Variants in ZNF146 observed in about 807,000 individuals in gnomAD.
ZNF146 encodes zinc finger protein 146, also known as zinc finger protein OZF.
In ZNF146, 9 loss-of-function variants were observed where a neutral mutation model predicts 22.2. The observed-to-expected ratio is 0.41, with a 90% CI of 0.24 to 0.71. The LOEUF (loss-of-function observed/expected upper bound fraction) is 0.71. Ranked by LOEUF, ZNF146 falls within the 30% of genes least tolerant of loss-of-function variation. The pLI is 0.34. For synonymous variants in ZNF146, 108 were observed against 119.2 expected, an observed-to-expected ratio of 0.91 and a Z score of 0.61; for missense variants, 194 against 344.8, an observed-to-expected ratio of 0.56 and a Z score of 3.46.
intron 3 of ZNF146, 84 bp downstream of exon 3, chr19:36,228,903 GTAGACATA>G (rs1252747429): frequency 6.6e-6 from 1 of 152,238 alleles, no homozygotes. Context: ...CTTCCAGGCT[GTAGACATA>G]TAGAGTATTG....
At chr19:36,216,014 A>G (rs1023009255) in intron 1 of ZNF146, among the ~76,000 whole-genome samples, 2 of 152,206 alleles carry the variant, frequency 1.3e-5, no homozygotes, top group Non-Finnish European at 2.9e-5. Context: ...TGACGTCTCC[A>G]AAGATGCGTT....
At position 36,234,686 on chromosome 19, in the gene ZNF146, T is replaced by C. The variant is rs1056543055; in HGVS notation, c.-782-973T>C. ...TGCTGGGATTACAGGCGTGAGCCAC[T>C]GCGCCCGGCCAGCCAGCATCTTTTG... On this transcript the variant is annotated intron_variant, in intron 3 of 3. Coordinates refer to ENST00000443387, the MANE Select transcript of ZNF146 (RefSeq NM_007145.3). Among the ~76,000 whole-genome samples the C allele has an allele frequency of 5.3e-5, 8 of 152,286 alleles. No individual in the cohort carries two copies. In the South Asian group the frequency reaches 1.0e-3, roughly 20 times the overall value.
intron 3 of ZNF146, among the ~76,000 whole-genome samples, chr19:36,231,438 A>AC (rs1420947273): frequency 1.3e-5 from 2 of 152,064 alleles, no homozygotes; most frequent in Non-Finnish European, 1.5e-5. Flanking sequence ...TAAACTCCTG[A>AC]CCTCAAGTGA....
intron 3 of ZNF146, among the ~76,000 whole-genome samples, chr19:36,230,480 C>A (rs573178159): frequency 6.7e-6 from 1 of 150,230 alleles, no homozygotes; most frequent in East Asian, 1.9e-4. Context: ...ATAGAGAGGG[C>A]TAGTTGGGGT....
intron 2 of ZNF146, among the ~76,000 whole-genome samples, chr19:36,226,679 A>G (rs1977081067): frequency 6.6e-6 from 1 of 152,214 alleles, no homozygotes; most frequent in Non-Finnish European, 1.5e-5. Flanking sequence ...TTTCATAACT[A>G]CAGTACAGTG....
At chr19:36,231,699 C>T (rs982335085) in intron 3 of ZNF146, among the ~76,000 whole-genome samples, 1 of 152,020 alleles carries the variant, frequency 6.6e-6, no homozygotes, top group Non-Finnish European at 1.5e-5. Context: ...TACCTCAGAC[C>T]AGTTTCATGT....
intron 3 of ZNF146, among the ~76,000 whole-genome samples, chr19:36,233,768 CT>C (rs1475909900): frequency 1.3e-5 from 2 of 152,232 alleles, no homozygotes; most frequent in East Asian, 3.8e-4. Flanking sequence ...CGGTTTTCCC[CT>C]ATCTCAGTAG....
intron 3 of ZNF146, among the ~76,000 whole-genome samples, chr19:36,235,163 C>A (rs907674439): frequency 6.6e-6 from 1 of 150,972 alleles, no homozygotes; most frequent in Non-Finnish European, 1.5e-5. Flanking sequence ...GAGCCGAGAT[C>A]GCACCACTGC....
chr19:36,217,621 G>T (rs1001809837), intron 1 of ZNF146, among the ~76,000 whole-genome samples: 5 of 151,968 alleles, frequency 3.3e-5, no homozygotes, highest in Non-Finnish European at 7.4e-5. Flanking sequence ...ATAAGAATAT[G>T]TATTTATAAT....
At chr19:36,228,429 G>A (rs1977179177) in intron 2 of ZNF146, 1 of 152,214 alleles carries the variant, frequency 6.6e-6, no homozygotes, top group South Asian at 2.1e-4. Context: ...CTCACACAAG[G>A]TGTGAACAGC....
chr19:36,238,492 T>C lies in ZNF146; in HGVS notation c.*1173T>C, dbSNP rs143357331. 3.8e-4 allele frequency: 63 copies of C among 167,176 alleles called. No homozygotes were observed. In the East Asian group the frequency reaches 0.012, roughly 32 times the overall value. 10.4% of individuals were successfully genotyped at this position (167,176 alleles called of 1,614,324 possible). A position where few individuals can be genotyped will look rare whatever the true frequency, so the allele number is the denominator to read the frequency against. On this transcript the variant is annotated 3_prime_UTR_variant, in exon 4 of 4. Coordinates refer to ENST00000443387, the MANE Select transcript of ZNF146 (RefSeq NM_007145.3). ...TCTTTCAAAAGACTTCAAGTAAATATAAGAAGATACTGATTGATTCTGGAT... is the reference window on the plus strand; with the variant it reads ...TCTTTCAAAAGACTTCAAGTAAATACAAGAAGATACTGATTGATTCTGGAT...
intron 1 of ZNF146, among the ~76,000 whole-genome samples, chr19:36,216,292 A>C (rs974567170): frequency 2.6e-5 from 4 of 152,182 alleles, no homozygotes; most frequent in African/African-American, 4.8e-5. Flanking sequence ...GTGAACAAAT[A>C]AATATACCAT....
intron 2 of ZNF146, among the ~76,000 whole-genome samples, chr19:36,227,886 C>CA (rs2033108906): frequency 6.6e-6 from 1 of 152,160 alleles, no homozygotes. Flanking sequence ...TAGGACACGG[C>CA]ACGGTGGCTT....
chr19:36,219,369 T>A (rs181567266), intron 2 of ZNF146, among the ~76,000 whole-genome samples: 33 of 152,276 alleles, frequency 2.2e-4, no homozygotes, highest in African/African-American at 7.2e-4. Context: ...CTTACTATGT[T>A]GCCCAGGCTG....
chr19:36,215,669 T>TA lies in ZNF146; in HGVS notation c.-929+475dup, dbSNP rs1207911986. Among the ~76,000 whole-genome samples the TA allele has an allele frequency of 4.6e-5, 7 of 152,226 alleles. No homozygotes were observed. The East Asian group carries it at 1.3e-3, about 29-fold the overall frequency. ...TGCAAATCACCGTGACTTTTTTTTT[T>TA]AATTAAACGAGAGTGTTTCGAAGGA... is the stretch of plus-strand genomic sequence containing the variant. On this transcript the variant is annotated intron_variant, in intron 1 of 3. Transcript: ENST00000443387.
chr19:36,225,752 CTTTTTTTTTTT>C (rs67760026), intron 2 of ZNF146, among the ~76,000 whole-genome samples: 4 of 66,726 alleles, frequency 6.0e-5, no homozygotes, highest in Admixed American at 1.9e-4. Flanking sequence ...CTTTGTGATT[CTTTTTTTTTTT>C]TTTTTTTTTT....
At chr19:36,233,235 T>C (rs574190934) in intron 3 of ZNF146, among the ~76,000 whole-genome samples, 11 of 152,154 alleles carry the variant, frequency 7.2e-5, no homozygotes, top group African/African-American at 2.7e-4. Context: ...ATACAAAAAT[T>C]AGGCGTGGTG....
intron 3 of ZNF146, among the ~76,000 whole-genome samples, chr19:36,231,120 T>C (rs1396365493): frequency 2.0e-5 from 3 of 152,168 alleles, no homozygotes; most frequent in Non-Finnish European, 4.4e-5. Flanking sequence ...CAACTGACTT[T>C]GGGAGGCCAA....
chr19:36,238,159 GA>G lies in ZNF146; in HGVS notation c.*843del. The G allele has an allele frequency of 6.0e-6, 1 of 167,212 alleles. No individual in the cohort carries two copies. The highest frequency in any genetic ancestry group is 1.9e-4 in the East Asian group (1 of 5,196). 10.4% of individuals were successfully genotyped at this position (167,212 alleles called of 1,614,324 possible). On this transcript the variant is annotated 3_prime_UTR_variant, in exon 4 of 4. Coordinates refer to ENST00000443387, the MANE Select transcript of ZNF146 (RefSeq NM_007145.3). Reference sequence around the variant, plus strand: ...TATATATCTGTAAAATGCAACAAATGAAATCCACATGTATTAACAGAAAGAT... The same window carrying G: ...TATATATCTGTAAAATGCAACAAATGAATCCACATGTATTAACAGAAAGAT...
Sources: gnomAD v4.1 joint callset for allele counts (sites outside exome capture counted in the v4.1 genomes callset) on GRCh38, gnomAD v4.1.1 for gene constraint, MANE v1.5 for transcripts, NCBI Gene and HGNC (gene_info 2026-07-23, HGNC 2026-07-21) for gene names.